The following MEX3D variants were observed in gnomAD, a reference collection of about 807,000 sequenced individuals.
The protein encoded by MEX3D is RNA-binding protein MEX3D.
A neutral mutation model predicts 6.3 loss-of-function variants in MEX3D; 4 were observed. The observed-to-expected ratio is 0.64, with a 90% confidence interval of 0.31 to 1.46. The LOEUF (loss-of-function observed/expected upper bound fraction) is 1.46. Among genes scored for constraint, MEX3D ranks in the 40% most tolerant of loss-of-function variants. The pLI, the probability that MEX3D is intolerant of heterozygous loss-of-function variation, is 0.07. For synonymous variants in MEX3D, 626 were observed against 494.1 expected (o/e 1.27, Z -3.54); for missense variants, 1,038 against 994.4 (o/e 1.04, Z -0.59).
rs1200145856 is a variant in MEX3D at position 1,554,896 on chromosome 19, G to A, written c.*667C>T. On this transcript the variant is annotated 3_prime_UTR_variant, in exon 2 of 2. Transcript: ENST00000402693. Reference sequence around the variant, plus strand: ...CTATAAATTCCCTACATATACACAAGAGGTAAAAAGTAAAAGTAAAAAAAA... The same window carrying A: ...CTATAAATTCCCTACATATACACAAAAGGTAAAAAGTAAAAGTAAAAAAAA... The A allele has an allele frequency of 2.4e-5, 3 of 123,768 alleles. No individual in the cohort carries two copies. Among genetic ancestry groups the A allele is most frequent in the Non-Finnish European group, 1.7e-5 (1 of 60,330 alleles). The allele number at this position is 123,768 out of a possible 1,614,324, so 7.7% of individuals were successfully genotyped here.
chr19:1,565,647 G>T (rs761583968), intron 1 of MEX3D, among the ~76,000 whole-genome samples: 1 of 152,174 alleles, frequency 6.6e-6, no homozygotes, highest in Admixed American at 6.5e-5. Context: ...GCAGGGCCAC[G>T]GCGGCCTGCA....
In MEX3D at chr19:1,556,883, G is replaced by A. The variant is rs1231360104; in HGVS notation, c.636C>T (p.Tyr212=). Residue 212 remains tyrosine (Y), a synonymous_variant, in exon 2 of 2, where the codon TAC becomes TAT. Transcript: ENST00000402693. The surrounding 1 kb of genome is among the most constrained non-coding windows in gnomAD (Gnocchi z 7.5). The part of the protein sequence containing the change: ...IKALRAKTNT[Y]IKTPVRGEEP... ...CCTCGCCCCGCACTGGGGTCTTGATGTAGGTGTTTGTCTTGGCCCGCAGGG... is the reference window on the plus strand; with the variant it reads ...CCTCGCCCCGCACTGGGGTCTTGATATAGGTGTTTGTCTTGGCCCGCAGGG... 10 of 1,611,718 alleles carry A rather than the reference G, an allele frequency of 6.2e-6. No homozygotes were observed. The highest frequency in any genetic ancestry group is 8.5e-6 in the Non-Finnish European group (10 of 1,179,692).
intron 1 of MEX3D, among the ~76,000 whole-genome samples, chr19:1,559,502 G>A (rs1482239037): frequency 6.6e-6 from 1 of 152,170 alleles, no homozygotes; most frequent in African/African-American, 2.4e-5. Flanking sequence ...TTGGGCTCAA[G>A]CAGTCCTCCT....
At chr19:1,562,550 T>C (rs1178765010) in intron 1 of MEX3D, among the ~76,000 whole-genome samples, 1 of 151,286 alleles carries the variant, frequency 6.6e-6, no homozygotes, top group Non-Finnish European at 1.5e-5. Context: ...AAAAGAAAAT[T>C]AGCTGGGTGT....
chr19:1,561,403 C>T (rs1026606757), intron 1 of MEX3D, among the ~76,000 whole-genome samples: 1 of 152,236 alleles, frequency 6.6e-6, no homozygotes, highest in African/African-American at 2.4e-5. Flanking sequence ...GTCCAACACG[C>T]AGCCGCCCCC....
intron 1 of MEX3D, among the ~76,000 whole-genome samples, chr19:1,559,524 C>T (rs1210605201): frequency 6.6e-6 from 1 of 152,198 alleles, no homozygotes; most frequent in Admixed American, 6.5e-5. Context: ...CCTCGGCCTC[C>T]CAAAGTGCTG....
At position 1,555,632 on chromosome 19, in the gene MEX3D, G is replaced by A. The variant is rs774047867; in HGVS notation, c.1887C>T (p.Cys629=). Residue 629 remains cysteine, a synonymous_variant, in exon 2 of 2, where the codon TGC becomes TGT. Coordinates refer to ENST00000402693, the MANE Select transcript of MEX3D (RefSeq NM_203304.4). ...CGGGACACTCGGGCTCGCTCTTGCC[G>A]CAGATGCGGACGGCGCAGTCCATGC... The part of the protein sequence containing the change: ...LFCMDCAVRI[C]GKSEPECPAC... 1.9e-6 allele frequency: 3 copies of A among 1,590,188 alleles called. No homozygotes were observed. The highest frequency in any genetic ancestry group is 2.7e-5 in the African/African-American group (2 of 74,306).
chr19:1,563,319 G>C (rs1179883603), intron 1 of MEX3D, among the ~76,000 whole-genome samples: 2 of 152,176 alleles, frequency 1.3e-5, no homozygotes, highest in Non-Finnish European at 2.9e-5. Context: ...CCCAGCTGAG[G>C]GGAACAACCT....
intron 1 of MEX3D, among the ~76,000 whole-genome samples, chr19:1,564,646 C>T (rs1914795846): frequency 6.6e-6 from 1 of 152,180 alleles, no homozygotes; most frequent in South Asian, 2.1e-4. Context: ...ACTCGGACCC[C>T]CTCTAGGATC....
At chr19:1,564,469 C>G (rs932798982) in intron 1 of MEX3D, among the ~76,000 whole-genome samples, 6 of 149,248 alleles carry the variant, frequency 4.0e-5, no homozygotes, top group Non-Finnish European at 7.4e-5. Flanking sequence ...GGAGGTGGAG[C>G]TTGCAGTGAA....
At position 1,567,212 on chromosome 19, in the gene MEX3D, G is replaced by C. The variant is rs1914864184; in HGVS notation, c.595+252C>G. ...GCGCGGCTCCCCGGAGCCTTTCCGG[G>C]CTGGAGGCGGCCCAGACAAAGGCGG... On this transcript the variant is annotated intron_variant, in intron 1 of 1. Transcript: ENST00000402693. This position sits in a 1 kb window ranked among gnomAD's most constrained non-coding sequence, Gnocchi z 6.5. Among the ~76,000 whole-genome samples the C allele has an allele frequency of 6.6e-6, 1 of 151,920 alleles. No homozygotes were observed. The highest frequency in any genetic ancestry group is 1.5e-5 in the Non-Finnish European group (1 of 67,938).
In MEX3D at chr19:1,555,850, C is replaced by G. The variant is rs771664929; in HGVS notation, c.1669G>C (p.Ala557Pro). 61 of 1,331,660 alleles carry G rather than the reference C, an allele frequency of 4.6e-5. No homozygotes were observed. The highest frequency in any genetic ancestry group is 5.5e-5 in the Non-Finnish European group (58 of 1,046,600). The allele number at this position is 1,331,660 out of a possible 1,614,324, so 82.5% of individuals were successfully genotyped here. Residue 557 changes from alanine (A) to proline (P), a missense_variant, in exon 2 of 2, where the codon GCC becomes CCC. By Grantham distance (27) the Ala-to-Pro change is conservative (BLOSUM62 -1). Coordinates refer to ENST00000402693, the MANE Select transcript of MEX3D (RefSeq NM_203304.4). Reference protein sequence around the residue: ...QGPVSFPGGAAFSTATSLPSS... With the variant: ...QGPVSFPGGAPFSTATSLPSS... ...GGCAGCGAGGTGGCCGTGGAGAAGG[C>G]GGCGCCGCCTGGGAAGGATACGGGG...
At chr19:1,563,152 G>A (rs1337346780) in intron 1 of MEX3D, among the ~76,000 whole-genome samples, 1 of 152,200 alleles carries the variant, frequency 6.6e-6, no homozygotes, top group East Asian at 1.9e-4. Context: ...GCAGTGTATG[G>A]ACAGGAAAAC....
At chr19:1,559,719 C>CA (rs1218815533) in intron 1 of MEX3D, among the ~76,000 whole-genome samples, 2 of 152,178 alleles carry the variant, frequency 1.3e-5, no homozygotes, top group African/African-American at 4.8e-5. Flanking sequence ...TGAGCAGGAT[C>CA]AGCACTTTTG....
chr19:1,564,912 G>A (rs1914803116), intron 1 of MEX3D, among the ~76,000 whole-genome samples: 1 of 152,146 alleles, frequency 6.6e-6, no homozygotes, highest in South Asian at 2.1e-4. Context: ...AACGGGGTGG[G>A]TGGGAGAAGC....
In MEX3D at chr19:1,566,329, C is replaced by T. The variant is rs888836423; in HGVS notation, c.595+1135G>A. Among the ~76,000 whole-genome samples the T allele has an allele frequency of 2.0e-5, 3 of 152,222 alleles. No individual in the cohort carries two copies. The South Asian group carries it at 6.2e-4, about 32-fold the overall frequency. On this transcript the variant is annotated intron_variant, in intron 1 of 1. Transcript: ENST00000402693. ...CAAAAGACAGGAGGCTGTGGTGCCC[C>T]ACCCACCTGGACCGAGGGAAAGGGC...
At position 1,567,958 on chromosome 19, in the gene MEX3D, G is replaced by A. The variant is rs1914894935; in HGVS notation, c.101C>T (p.Pro34Leu). The change falls in exon 1 of 2, where the codon CCC (proline) becomes CTC (leucine). Residue 34 changes from proline to leucine, a missense_variant. By Grantham distance (98) the Pro-to-Leu change is moderately conservative. Transcript: ENST00000402693. The surrounding 1 kb of genome is among the most constrained non-coding windows in gnomAD (Gnocchi z 6.5). ...AGEDPGPGPA[P>L]PPEGAQEAAP... ...GGCCTCCTGGGCGCCCTCGGGCGGGGGCGCAGGTCCGGGTCCGGGGTCCTC... is the reference window on the plus strand; with the variant it reads ...GGCCTCCTGGGCGCCCTCGGGCGGGAGCGCAGGTCCGGGTCCGGGGTCCTC... 2 of 978,902 alleles carry A rather than the reference G, an allele frequency of 2.0e-6. No homozygotes were observed. Among genetic ancestry groups the A allele is most frequent in the South Asian group, 4.5e-5 (1 of 22,002 alleles). The allele number at this position is 978,902 out of a possible 1,614,324, so 60.6% of individuals were successfully genotyped here.
At position 1,554,862 on chromosome 19, in the gene MEX3D, C is replaced by T. The variant is rs1751380137; in HGVS notation, c.*701G>A. The T allele has an allele frequency of 6.9e-6, 1 of 145,058 alleles. No homozygotes were observed. The allele number at this position is 145,058 out of a possible 1,614,324, so 9.0% of individuals were successfully genotyped here. A position where few individuals can be genotyped will look rare whatever the true frequency, so the allele number is the denominator to read the frequency against. On this transcript the variant is annotated 3_prime_UTR_variant, in exon 2 of 2. Transcript: ENST00000402693. ...TTCTTAAAATTTATTCCATAAAGTA[C>T]ATATTTCCCTATAAATTCCCTACAT...
At position 1,568,034 on chromosome 19, in the gene MEX3D, C is replaced by G; in HGVS notation, c.25G>C (p.Asp9His). ...CCGCCGCCCCCGCCCCCGCCGCCGT[C>G]GGGCTGGCCGAGCGAGCTGGGCATG... is the stretch of plus-strand genomic sequence containing the variant. MPSSLGQPDGGGGGGGGGG... is the reference protein window; with the variant it reads MPSSLGQPHGGGGGGGGGG... The change falls in exon 1 of 2, where the codon GAC becomes CAC. Residue 9 changes from aspartate (D) to histidine (H), a missense_variant. Asp to His is a moderately conservative substitution (Grantham distance 81). This residue lies in a region of MEX3D where 265 missense variants were observed against 206.3 expected (regional missense o/e 1.28). Transcript: ENST00000402693. 1 of 978,214 alleles carries G rather than the reference C, an allele frequency of 1.0e-6. No individual in the cohort carries two copies. Among genetic ancestry groups the G allele is most frequent in the Non-Finnish European group, 1.2e-6 (1 of 827,672 alleles). The allele number at this position is 978,214 out of a possible 1,614,324, so 60.6% of individuals were successfully genotyped here.
Sources: gnomAD v4.1 joint callset for allele counts (sites outside exome capture counted in the v4.1 genomes callset) on GRCh38, gnomAD v4.1.1 for gene constraint, gnomAD v4.1.1 regional missense constraint, Gnocchi (gnomAD v3.1) non-coding constraint, MANE v1.5 for transcripts, NCBI Gene and HGNC (gene_info 2026-07-23, HGNC 2026-07-21) for gene names.